CGAS: variants seen among roughly 807,000 people sequenced by gnomAD.
CGAS encodes 2'3'-cGAMP synthase.
CGAS carries 31 observed loss-of-function variants against 34.0 expected under a neutral mutation model. The observed-to-expected ratio is 0.91, with a 90% CI of 0.69 to 1.23. The LOEUF (loss-of-function observed/expected upper bound fraction) is 1.23, where lower values mean the gene tolerates loss of function less well. Among genes scored for constraint, CGAS ranks in the 50% most tolerant of loss-of-function variants. The pLI is 0.00. For synonymous variants in CGAS, 266 were observed against 260.0 expected (o/e 1.02, Z -0.22); for missense variants, 597 against 657.6 (o/e 0.91, Z 1.01).
chr6:73,442,206 T>C (rs993691361), intron 2 of CGAS, among the ~76,000 whole-genome samples: 2 of 152,016 alleles, frequency 1.3e-5, no homozygotes, highest in Non-Finnish European at 2.9e-5. Context: ...CCTCTGCCCA[T>C]AGTCTCTGGA....
At position 73,439,358 on chromosome 6, in the gene CGAS, G is replaced by A. The variant is rs1299562381; in HGVS notation, c.1114+851C>T. On this transcript the variant is annotated intron_variant, in intron 3 of 4. Coordinates refer to ENST00000370315, the MANE Select transcript of CGAS (RefSeq NM_138441.3). ...TAGCCAGGCATGGTAGCGGGCACCT[G>A]TAGTCCCAGCTACTCGGGAGGATGG... Among the ~76,000 whole-genome samples, 4 of 151,820 alleles carry A rather than the reference G, an allele frequency of 2.6e-5. No individual in the cohort carries two copies. The South Asian group carries it at 6.2e-4, about 24-fold the overall frequency.
chr6:73,426,882 G>A (rs896605709), intron 4 of CGAS, among the ~76,000 whole-genome samples: 8 of 144,774 alleles, frequency 5.5e-5, no homozygotes, highest in Middle Eastern at 3.5e-3. Flanking sequence ...ATGGAGTCTC[G>A]CTCTGTTGCC....
At chr6:73,435,371 T>C (rs1216545581) in intron 3 of CGAS, among the ~76,000 whole-genome samples, 3 of 152,214 alleles carry the variant, frequency 2.0e-5, no homozygotes, top group East Asian at 1.9e-4. Flanking sequence ...GTCAGTGAGG[T>C]TGAGAGTGAA....
At chr6:73,434,037 G>T (rs893863373) in intron 3 of CGAS, among the ~76,000 whole-genome samples, 2 of 152,186 alleles carry the variant, frequency 1.3e-5, no homozygotes, top group African/African-American at 4.8e-5. Context: ...GGAGAAAAAC[G>T]AAGTGGTAGA....
chr6:73,449,525 G>A (rs183194788), intron 1 of CGAS, among the ~76,000 whole-genome samples: 1 of 129,624 alleles, frequency 7.7e-6, no homozygotes, highest in African/African-American at 2.7e-5. Context: ...GTTCTGAATG[G>A]AGACTGTCTT....
intron 3 of CGAS, among the ~76,000 whole-genome samples, chr6:73,437,151 C>CA: frequency 6.6e-6 from 1 of 151,530 alleles, no homozygotes; most frequent in Non-Finnish European, 1.5e-5. Context: ...GACTCTGTCT[C>CA]AAAAATAAAT....
At chr6:73,440,908 G>T (rs1467242822) in intron 2 of CGAS, among the ~76,000 whole-genome samples, 4 of 143,964 alleles carry the variant, frequency 2.8e-5, no homozygotes, top group Non-Finnish European at 4.7e-5. Context: ...TCTCAAAAAA[G>T]AAAAAAAAAC....
Position 73,440,278 on chromosome 6 carries a change from T to C in CGAS, c.1045A>G (p.Arg349Gly), listed in dbSNP as rs1770353989. 6.2e-7 allele frequency: 1 copy of C among 1,614,214 alleles called. No homozygotes were observed. Among genetic ancestry groups the C allele is most frequent in the Non-Finnish European group, 8.5e-7 (1 of 1,180,042 alleles). Residue 349 changes from arginine (R) to glycine (G), a missense_variant, in exon 3 of 5, where the codon AGG becomes GGG. By Grantham distance (125) the Arg-to-Gly change is moderately radical (BLOSUM62 -2). Coordinates refer to ENST00000370315, the MANE Select transcript of CGAS (RefSeq NM_138441.3). ...AATGGCTTTAGTCGTAGTTGCTTCC[T>C]AACTTTTGCTGAAAGCCAGTTTTGA... ...RIQNWLSAKV[R>G]KQLRLKPFYL...
At chr6:73,426,071 T>C (rs1279279539) in intron 4 of CGAS, among the ~76,000 whole-genome samples, 1 of 151,786 alleles carries the variant, frequency 6.6e-6, no homozygotes, top group Non-Finnish European at 1.5e-5. Flanking sequence ...GATCACGAGG[T>C]CAAGAGTTCG....
chr6:73,448,162 C>T (rs1016245085), intron 1 of CGAS, among the ~76,000 whole-genome samples: 8 of 152,132 alleles, frequency 5.3e-5, no homozygotes, highest in African/African-American at 1.7e-4. Context: ...GAGGCTGAGA[C>T]GGGTGGATCA....
At chr6:73,432,307 A>C (rs964107712) in intron 3 of CGAS, among the ~76,000 whole-genome samples, 1 of 151,798 alleles carries the variant, frequency 6.6e-6, no homozygotes, top group African/African-American at 2.4e-5. Context: ...GATTACAGGC[A>C]TGCGCCACCA....
At chr6:73,451,000 A>G (rs1040450080) in intron 1 of CGAS, among the ~76,000 whole-genome samples, 11 of 151,056 alleles carry the variant, frequency 7.3e-5, no homozygotes, top group Non-Finnish European at 1.3e-4. Flanking sequence ...AAAAAAAAAA[A>G]AAAAGAAAAG....
At chr6:73,433,636 G>A (rs933585345) in intron 3 of CGAS, among the ~76,000 whole-genome samples, 1 of 151,848 alleles carries the variant, frequency 6.6e-6, no homozygotes, top group Non-Finnish European at 1.5e-5. Flanking sequence ...CTACAGGCAC[G>A]TGCCACCATG....
chr6:73,435,142 A>G (rs1770261410), intron 3 of CGAS, among the ~76,000 whole-genome samples: 1 of 151,968 alleles, frequency 6.6e-6, no homozygotes, highest in Non-Finnish European at 1.5e-5. Flanking sequence ...AACATAGTGA[A>G]ACTCTGCCCC....
At chr6:73,446,168 A>G (rs62440612) in intron 1 of CGAS, among the ~76,000 whole-genome samples, 3,739 of 152,096 alleles carry the variant, frequency 0.025, 70 homozygotes, top group Non-Finnish European at 0.036. Flanking sequence ...CGTCTCTACT[A>G]AAAATACAAA....
chr6:73,451,788 G>A lies in CGAS; in HGVS notation c.394C>T (p.Pro132Ser). The change falls in exon 1 of 5, where the codon CCA becomes TCA. Residue 132 changes from proline to serine, a missense_variant. By Grantham distance (74) the Pro-to-Ser change is moderately conservative. Around this residue, in one of 3 missense-constraint regions of CGAS, gnomAD observed 321 missense variants for 314.3 expected, o/e 1.02. Coordinates refer to ENST00000370315, the MANE Select transcript of CGAS (RefSeq NM_138441.3). Reference sequence around the variant, plus strand: ...TCCCAGGGCCCGGGCGGAGGTCTTGGCTTCGTGGAGCAGCGCGCGCCCCTC... The same window carrying A: ...TCCCAGGGCCCGGGCGGAGGTCTTGACTTCGTGGAGCAGCGCGCGCCCCTC... The part of the protein sequence containing the change: ...RQRGARCSTK[P>S]RPPPGPWDVP... The A allele has an allele frequency of 5.7e-6, 9 of 1,580,802 alleles. No individual in the cohort carries two copies. The highest frequency in any genetic ancestry group is 7.7e-6 in the Non-Finnish European group (9 of 1,164,846).
chr6:73,428,062 A>T (rs1770118629), intron 4 of CGAS, among the ~76,000 whole-genome samples: 1 of 151,402 alleles, frequency 6.6e-6, no homozygotes, highest in African/African-American at 2.4e-5. Context: ...CCTCTACAAA[A>T]TTTTTTTTTA....
chr6:73,429,750 C>T (rs1035801707), intron 3 of CGAS, among the ~76,000 whole-genome samples: 4 of 151,692 alleles, frequency 2.6e-5, no homozygotes, highest in Non-Finnish European at 5.9e-5. Context: ...GGCGCGAACC[C>T]GGGAGGTGGA....
At chr6:73,445,140 A>G (rs998132179) in intron 2 of CGAS, among the ~76,000 whole-genome samples, 2 of 152,096 alleles carry the variant, frequency 1.3e-5, no homozygotes, top group Admixed American at 6.6e-5. Context: ...AGTCATCATC[A>G]TATAGGTGGC....
Sources: gnomAD v4.1 joint callset for allele counts (sites outside exome capture counted in the v4.1 genomes callset) on GRCh38, gnomAD v4.1.1 for gene constraint, gnomAD v4.1.1 regional missense constraint, MANE v1.5 for transcripts, NCBI Gene and HGNC (gene_info 2026-07-23, HGNC 2026-07-21) for gene names.